SNX29: variants seen among roughly 807,000 people sequenced by gnomAD.
SNX29 encodes the protein sorting nexin-29.
SNX29 carries 78 observed loss-of-function variants against 102.1 expected under a neutral mutation model. That is an observed-to-expected ratio of 0.76 (90% CI 0.64 to 0.92). The LOEUF (loss-of-function observed/expected upper bound fraction) is 0.92, where lower values mean the gene tolerates loss of function less well. SNX29 is among the 40% of genes least tolerant of loss of function. The pLI, the probability that SNX29 is intolerant of heterozygous loss-of-function variation, is 0.00. For missense variants in SNX29, 1,280 were observed against 1,061.7 expected (o/e 1.21, Z -2.86); for synonymous variants, 580 against 414.5 (o/e 1.40, Z -4.85).
chr16:12,090,671 G>T (rs1455756761), intron 11 of SNX29, among the ~76,000 whole-genome samples: 2 of 152,218 alleles, frequency 1.3e-5, no homozygotes, highest in South Asian at 4.1e-4. Context: ...AAATCCATCC[G>T]TAAGTTCATT....
At chr16:12,254,136 A>C (rs2078500374) in intron 14 of SNX29, among the ~76,000 whole-genome samples, 2 of 152,106 alleles carry the variant, frequency 1.3e-5, no homozygotes, top group Non-Finnish European at 2.9e-5. Context: ...AGGCATGTTG[A>C]GTGTGAGCTA....
At chr16:12,539,416 G>GGTGA (rs1361360150) in intron 20 of SNX29, among the ~76,000 whole-genome samples, 6 of 152,262 alleles carry the variant, frequency 3.9e-5, no homozygotes, top group African/African-American at 1.2e-4. Context: ...CAAGTCGTTG[G>GGTGA]GTGAGTCAGC....
At chr16:12,071,531 T>G (rs376433627) in intron 10 of SNX29, among the ~76,000 whole-genome samples, 3 of 152,122 alleles carry the variant, frequency 2.0e-5, no homozygotes, top group African/African-American at 7.2e-5. Flanking sequence ...TGATCTATAT[T>G]TCTGTTTTGG....
chr16:12,489,492 C>T (rs1295193134), intron 19 of SNX29, among the ~76,000 whole-genome samples: 1 of 152,202 alleles, frequency 6.6e-6, no homozygotes, highest in Non-Finnish European at 1.5e-5. Flanking sequence ...CCCCCTCCCA[C>T]ACTGGCTGTG....
chr16:12,290,107 G>A (rs928747003), intron 15 of SNX29, among the ~76,000 whole-genome samples: 23 of 152,040 alleles, frequency 1.5e-4, no homozygotes, highest in African/African-American at 5.6e-4. Flanking sequence ...AGTCTACTTG[G>A]GCCATTTCTT....
intron 14 of SNX29, among the ~76,000 whole-genome samples, chr16:12,254,265 C>T (rs892654985): frequency 2.0e-5 from 3 of 152,106 alleles, no homozygotes; most frequent in African/African-American, 4.8e-5. Context: ...AACTGGATAA[C>T]GTTTCTGAGA....
intron 15 of SNX29, among the ~76,000 whole-genome samples, chr16:12,338,829 A>C (rs1190257740): frequency 6.6e-6 from 1 of 152,198 alleles, no homozygotes; most frequent in Non-Finnish European, 1.5e-5. Context: ...CGCTTGTGGA[A>C]TATTTATTGA....
intron 13 of SNX29, among the ~76,000 whole-genome samples, chr16:12,171,199 C>T (rs1224694715): frequency 1.3e-5 from 2 of 152,098 alleles, no homozygotes; most frequent in African/African-American, 4.8e-5. Context: ...ATTATTCCTG[C>T]TGCTAATTGG....
chr16:12,553,365 G>A (rs757859313), intron 20 of SNX29, among the ~76,000 whole-genome samples: 2 of 152,202 alleles, frequency 1.3e-5, no homozygotes, highest in East Asian at 3.9e-4. Context: ...CTCAGAGCTT[G>A]CCAGACATGC....
chr16:12,466,030 C>G (rs2151773510), intron 18 of SNX29, among the ~76,000 whole-genome samples: 1 of 152,278 alleles, frequency 6.6e-6, no homozygotes, highest in African/African-American at 2.4e-5. Flanking sequence ...AAGCCTACAG[C>G]TAACATCATA....
intron 17 of SNX29, among the ~76,000 whole-genome samples, chr16:12,400,983 C>T (rs548293413): frequency 2.0e-4 from 30 of 152,150 alleles, no homozygotes; most frequent in East Asian, 1.9e-4. Context: ...CCACCACACC[C>T]GGCTATGATT....
chr16:12,539,164 A>G (rs970181333), intron 20 of SNX29, among the ~76,000 whole-genome samples: 4 of 152,174 alleles, frequency 2.6e-5, no homozygotes, highest in African/African-American at 9.7e-5. Context: ...GCTCTTGTTC[A>G]TGTCTGTGAA....
chr16:12,045,344 A>C (rs935023847), intron 5 of SNX29, among the ~76,000 whole-genome samples: 2 of 152,132 alleles, frequency 1.3e-5, no homozygotes, highest in Non-Finnish European at 2.9e-5. Flanking sequence ...TTAGAATTCA[A>C]TGACCTGGCG....
intron 13 of SNX29, among the ~76,000 whole-genome samples, chr16:12,132,029 C>G (rs350288): frequency 6.6e-6 from 1 of 152,034 alleles, no homozygotes; most frequent in South Asian, 2.1e-4. Context: ...ATTTAATGTT[C>G]ACAATAAAGT....
chr16:12,302,378 C>T (rs1260168435), intron 15 of SNX29, among the ~76,000 whole-genome samples: 2 of 152,210 alleles, frequency 1.3e-5, no homozygotes, highest in Non-Finnish European at 2.9e-5. Context: ...GTGTTATCTA[C>T]TGTCTTAGTG....
At chr16:12,470,681 G>A (rs116226533) in intron 18 of SNX29, among the ~76,000 whole-genome samples, 3,474 of 152,220 alleles carry the variant, frequency 0.023, 138 homozygotes, top group African/African-American at 0.078. Context: ...CACAGAGCAC[G>A]CTTTATGTTT....
intron 14 of SNX29, among the ~76,000 whole-genome samples, chr16:12,244,479 C>T (rs1596614111): frequency 6.6e-6 from 1 of 152,108 alleles, no homozygotes. Context: ...CATGGTGGTG[C>T]ATGCCTGTAA....
At chr16:12,430,196 G>C (rs537312958) in intron 18 of SNX29, among the ~76,000 whole-genome samples, 2 of 152,260 alleles carry the variant, frequency 1.3e-5, no homozygotes, top group Admixed American at 1.3e-4. Flanking sequence ...CAAACCATCA[G>C]TTCCCCCCCC....
rs559636091 is a variant in SNX29 at position 12,514,230 on chromosome 16, C to T, written c.2179-10472C>T. 1.3e-4 allele frequency among the ~76,000 whole-genome samples: 20 copies of T among 152,312 alleles called. No homozygotes were observed. In the South Asian group the frequency reaches 3.1e-3, roughly 24 times the overall value. On this transcript the variant is annotated intron_variant, in intron 19 of 20. Coordinates refer to ENST00000566228, the MANE Select transcript of SNX29 (RefSeq NM_032167.5). ...GTTTTCAGTCTCATAGAAGGAATAG[C>T]TGATTCTCACTCTCTGGCTTAAAAT...
Sources: gnomAD v4.1 joint callset for allele counts (sites outside exome capture counted in the v4.1 genomes callset) on GRCh38, gnomAD v4.1.1 for gene constraint, MANE v1.5 for transcripts, NCBI Gene and HGNC (gene_info 2026-07-23, HGNC 2026-07-21) for gene names.